DCUN1D1: variants seen among roughly 807,000 people sequenced by gnomAD.
DCUN1D1 encodes DCN1-like protein 1.
In DCUN1D1, 3 loss-of-function variants were observed where a neutral mutation model predicts 39.0. That is an observed-to-expected ratio of 0.08 (90% confidence interval 0.04 to 0.20). DCUN1D1 has a LOEUF of 0.20. Ranked by LOEUF, DCUN1D1 falls within the 10% of genes least tolerant of loss-of-function variation. The pLI is 1.00. For missense variants in DCUN1D1, 158 were observed against 302.4 expected, an observed-to-expected ratio of 0.52 and a Z score of 3.54; for synonymous variants, 82 against 96.3, an observed-to-expected ratio of 0.85 and a Z score of 0.87.
intron 1 of DCUN1D1, among the ~76,000 whole-genome samples, chr3:182,977,500 G>T (rs972396101): frequency 2.6e-5 from 4 of 151,950 alleles, no homozygotes; most frequent in Middle Eastern, 3.4e-3. Flanking sequence ...GCAATGACGC[G>T]ATCTCGGCTC....
At chr3:182,946,501 G>C (rs1726408989) in intron 6 of DCUN1D1, among the ~76,000 whole-genome samples, 1 of 139,438 alleles carries the variant, frequency 7.2e-6, no homozygotes, top group South Asian at 2.2e-4. Context: ...AGGTTGCAGT[G>C]AGCTGAGACT....
intron 1 of DCUN1D1, among the ~76,000 whole-genome samples, chr3:182,974,166 C>T (rs971161308): frequency 3.3e-5 from 5 of 152,078 alleles, no homozygotes; most frequent in African/African-American, 1.2e-4. Context: ...GCAGGAGAAT[C>T]GTTTGAATCC....
At chr3:182,974,020 G>A (rs1351352283) in intron 1 of DCUN1D1, among the ~76,000 whole-genome samples, 1 of 152,036 alleles carries the variant, frequency 6.6e-6, no homozygotes, top group Non-Finnish European at 1.5e-5. Flanking sequence ...GGGAGGCTGA[G>A]AGGGGCGGAT....
chr3:182,972,424 T>C (rs995636815), intron 1 of DCUN1D1, among the ~76,000 whole-genome samples: 2 of 152,216 alleles, frequency 1.3e-5, no homozygotes, highest in Non-Finnish European at 2.9e-5. Context: ...GGATAACGAT[T>C]ATTCATTCAT....
At chr3:182,970,126 C>T (rs536609983) in intron 1 of DCUN1D1, among the ~76,000 whole-genome samples, 95 of 151,974 alleles carry the variant, frequency 6.3e-4, no homozygotes, top group African/African-American at 2.2e-3. Flanking sequence ...GTTGTTGTAG[C>T]GCACACCTAT....
intron 1 of DCUN1D1, among the ~76,000 whole-genome samples, chr3:182,971,182 C>A (rs957378324): frequency 7.2e-5 from 11 of 152,164 alleles, no homozygotes; most frequent in African/African-American, 2.7e-4. Flanking sequence ...CATCTGTAAA[C>A]AGAGTGTTGA....
intron 2 of DCUN1D1, among the ~76,000 whole-genome samples, chr3:182,965,240 T>C (rs1382535133): frequency 2.6e-5 from 4 of 152,200 alleles, no homozygotes; most frequent in African/African-American, 9.7e-5. Flanking sequence ...AGATTCAGTA[T>C]GCAGGTTTCC....
intron 1 of DCUN1D1, among the ~76,000 whole-genome samples, chr3:182,973,107 C>T (rs1402305732): frequency 2.0e-5 from 3 of 152,032 alleles, no homozygotes; most frequent in Non-Finnish European, 4.4e-5. Context: ...GAGGGAGGAA[C>T]GTTCCAAGAC....
At position 182,961,371 on chromosome 3, in the gene DCUN1D1, TAA is replaced by T; in HGVS notation, c.390-17_390-16del. 6.4e-7 allele frequency: 1 copy of T among 1,574,752 alleles called. No individual in the cohort carries two copies. The highest frequency in any genetic ancestry group is 8.6e-7 in the Non-Finnish European group (1 of 1,165,360). On this transcript the variant is annotated splice_polypyrimidine_tract_variant and intron_variant, in intron 3 of 6. Transcript: ENST00000292782. ...TGCTGTCACATCTGCGTCGTAAAAT[TAA>T]GTTTATAAAAGATTAACTGTTTCAC... is the stretch of plus-strand genomic sequence containing the variant.
intron 1 of DCUN1D1, among the ~76,000 whole-genome samples, chr3:182,974,703 T>TA (rs1274056698): frequency 6.6e-6 from 1 of 151,900 alleles, no homozygotes; most frequent in African/African-American, 2.4e-5. Flanking sequence ...AATAAGGGAA[T>TA]GGGCTGTGTA....
In DCUN1D1 at chr3:182,943,455, T is replaced by C. The variant is rs1316123417; in HGVS notation, c.*1639A>G. 6.6e-6 allele frequency: 1 copy of C among 152,598 alleles called. No individual in the cohort carries two copies. Among genetic ancestry groups the C allele is most frequent in the Non-Finnish European group, 1.5e-5 (1 of 68,014 alleles). The allele number at this position is 152,598 out of a possible 1,614,324, so 9.5% of individuals were successfully genotyped here. A position where few individuals can be genotyped will look rare whatever the true frequency, so the allele number is the denominator to read the frequency against. On this transcript the variant is annotated 3_prime_UTR_variant, in exon 7 of 7. Transcript: ENST00000292782. ...ATTAAAGTTATGATTGGAATATTAATATGTCTATAGGGAAAGCTTTCTAGT... is the reference window on the plus strand; with the variant it reads ...ATTAAAGTTATGATTGGAATATTAACATGTCTATAGGGAAAGCTTTCTAGT...
At chr3:182,984,796 T>C (rs1023776021), upstream of DCUN1D1, among the ~76,000 whole-genome samples, 1 of 152,258 alleles carries the variant, frequency 6.6e-6, no homozygotes, top group Non-Finnish European at 1.5e-5. Context: ...TTCATACTTC[T>C]AGAATCTGTC....
intron 1 of DCUN1D1, among the ~76,000 whole-genome samples, chr3:182,968,703 G>A (rs59164869): frequency 0.011 from 1,603 of 151,942 alleles, 29 homozygotes; most frequent in African/African-American, 0.037. Context: ...AGGCTCAAGC[G>A]ATTCTCCTGC....
In DCUN1D1 at chr3:182,943,882, T is replaced by C. The variant is rs569210283; in HGVS notation, c.*1212A>G. Reference sequence around the variant, plus strand: ...AGTGAAACGAAAACAGTAAAGAGACTAGAAGCCAGATTGGTATTTTGCATC... The same window carrying C: ...AGTGAAACGAAAACAGTAAAGAGACCAGAAGCCAGATTGGTATTTTGCATC... On this transcript the variant is annotated 3_prime_UTR_variant, in exon 7 of 7. Transcript: ENST00000292782. The C allele has an allele frequency of 5.9e-5, 9 of 152,760 alleles. No homozygotes were observed. Among genetic ancestry groups the C allele is most frequent in the African/African-American group, 2.2e-4 (9 of 41,594 alleles). 9.5% of individuals were successfully genotyped at this position (152,760 alleles called of 1,614,324 possible).
chr3:182,963,624 T>C (rs1727513066), intron 3 of DCUN1D1, among the ~76,000 whole-genome samples: 1 of 152,192 alleles, frequency 6.6e-6, no homozygotes, highest in African/African-American at 2.4e-5. Context: ...TAAATATTAA[T>C]GCATAATTTT....
At chr3:182,948,463 C>A (rs998924780) in intron 4 of DCUN1D1, among the ~76,000 whole-genome samples, 1 of 152,120 alleles carries the variant, frequency 6.6e-6, no homozygotes, top group South Asian at 2.1e-4. Flanking sequence ...ACACTTATCA[C>A]ACAACAGAGA....
chr3:182,969,147 G>A (rs888479212), intron 1 of DCUN1D1, among the ~76,000 whole-genome samples: 9 of 152,124 alleles, frequency 5.9e-5, no homozygotes, highest in African/African-American at 1.7e-4. Context: ...TTCTCTGTCA[G>A]CTCTCTGTTC....
Position 182,939,852 on chromosome 3 carries a change from T to G in DCUN1D1, c.*5242A>C, listed in dbSNP as rs1395933387. 1 of 152,186 alleles carries G rather than the reference T, an allele frequency of 6.6e-6. No individual in the cohort carries two copies. Among genetic ancestry groups the G allele is most frequent in the Non-Finnish European group, 1.5e-5 (1 of 68,024 alleles). The allele number at this position is 152,186 out of a possible 1,614,324, so 9.4% of individuals were successfully genotyped here. ...TGTGTAAATTATACAAAGCAATTTT[T>G]TAAGTACCATTGTAACAAAGTCTTA... On this transcript the variant is annotated 3_prime_UTR_variant, in exon 7 of 7. Coordinates refer to ENST00000292782, the MANE Select transcript of DCUN1D1 (RefSeq NM_020640.4).
At chr3:182,968,132 C>T (rs57463714) in intron 1 of DCUN1D1, among the ~76,000 whole-genome samples, 1,616 of 152,210 alleles carry the variant, frequency 0.011, 30 homozygotes, top group African/African-American at 0.037. Flanking sequence ...TGGTCTCAAA[C>T]GCCCGGGCTC....
Sources: allele counts gnomAD v4.1 joint callset (sites outside exome capture counted in the v4.1 genomes callset), GRCh38; gene constraint gnomAD v4.1.1; transcripts MANE v1.5; gene names NCBI Gene and HGNC (gene_info 2026-07-23, HGNC 2026-07-21).